Variants in ODF4 observed in about 807,000 individuals in gnomAD.
ODF4 encodes outer dense fiber of sperm tails 4, also known as outer dense fiber protein 4.
Under a neutral mutation model 17.0 loss-of-function variants are expected in ODF4, and 11 were observed. That is an observed-to-expected ratio of 0.65 (90% CI 0.41 to 1.07). The LOEUF (loss-of-function observed/expected upper bound fraction) is 1.07, where lower values mean the gene tolerates loss of function less well. Ranked by LOEUF, ODF4 falls within the 50% of genes least tolerant of loss-of-function variation. The pLI, the probability that ODF4 is intolerant of heterozygous loss-of-function variation, is 0.00. For missense variants in ODF4, 281 were observed against 310.2 expected, an observed-to-expected ratio of 0.91 and a Z score of 0.71; for synonymous variants, 127 against 121.8, an observed-to-expected ratio of 1.04 and a Z score of -0.28.
At chr17:8,340,806 C>T (rs1428607446) in intron 1 of ODF4, among the ~76,000 whole-genome samples, 6 of 151,410 alleles carry the variant, frequency 4.0e-5, no homozygotes. Context: ...TCTCAGCTAT[C>T]CAGGAGGCTG....
In ODF4 at chr17:8,340,582, C is replaced by G. The variant is rs80260798; in HGVS notation, c.454+77C>G. The G allele has an allele frequency of 3.0e-4, 239 of 805,502 alleles. 2 individuals carry two copies. In the East Asian group the frequency reaches 5.9e-3, roughly 20 times the overall value. 49.9% of individuals were successfully genotyped at this position (805,502 alleles called of 1,614,324 possible). A position where few individuals can be genotyped will look rare whatever the true frequency, so the allele number is the denominator to read the frequency against. ...TCTGTATCTGCACCCTGGATGTATTCTTGTTCCCTCTTTCTGGTCATCTTT... is the reference window on the plus strand; with the variant it reads ...TCTGTATCTGCACCCTGGATGTATTGTTGTTCCCTCTTTCTGGTCATCTTT... On this transcript the variant is annotated intron_variant, in intron 1 of 2. Transcript: ENST00000328248.
At position 8,340,230 on chromosome 17, in the gene ODF4, A is replaced by C; in HGVS notation, c.179A>C (p.Gln60Pro). The C allele has an allele frequency of 6.2e-7, 1 of 1,614,106 alleles. No individual in the cohort carries two copies. Among genetic ancestry groups the C allele is most frequent in the Non-Finnish European group, 8.5e-7 (1 of 1,179,992 alleles). The change falls in exon 1 of 3, where the codon CAG becomes CCG. Residue 60 changes from glutamine to proline, a missense_variant. By Grantham distance (76) the Gln-to-Pro change is moderately conservative. Transcript: ENST00000328248. Reference protein sequence around the residue: ...LSLSSNRSLGQRQNSPLPFQW... With the variant: ...LSLSSNRSLGPRQNSPLPFQW... ...CTCAGTAGTAACAGGTCCTTGGGCC[A>C]GCGCCAGAACTCTCCGCTGCCCTTT...
In ODF4 at chr17:8,340,106, C is replaced by A; in HGVS notation, c.55C>A (p.Gln19Lys). Reference protein sequence around the residue: ...EFPRSEGERDQHQRPGKERKS... With the variant: ...EFPRSEGERDKHQRPGKERKS... ...CCCCAGGTCAGAAGGAGAAAGAGAC[C>A]AACATCAGAGACCTGGAAAGGAAAG... The change falls in exon 1 of 3, where the codon CAA becomes AAA. Residue 19 changes from glutamine to lysine, a missense_variant. Transcript: ENST00000328248. The A allele has an allele frequency of 6.5e-7, 1 of 1,537,314 alleles. No homozygotes were observed. Among genetic ancestry groups the A allele is most frequent in the Admixed American group, 2.1e-5 (1 of 47,766 alleles).
chr17:8,342,070 T>G (rs1005907926), intron 1 of ODF4, among the ~76,000 whole-genome samples: 11 of 152,032 alleles, frequency 7.2e-5, no homozygotes, highest in Non-Finnish European at 1.5e-5. Context: ...GCTATTTAGA[T>G]TGAACCAAAT....
chr17:8,345,774 A>G lies in ODF4; in HGVS notation c.696A>G (p.Pro232=). The change falls in exon 3 of 3, where the codon CCA becomes CCG. Residue 232 remains proline (P), a synonymous_variant. Transcript: ENST00000328248. The surrounding 1 kb of genome is among the most constrained non-coding windows in gnomAD (Gnocchi z 4.1). ...GTTTCGGCTCAGTAGAAGAATCTCC[A>G]AGGGCACAGACGATCACAGACACCC... ...SSSFGSVEES[P]RAQTITDTPI... The G allele has an allele frequency of 6.2e-7, 1 of 1,614,164 alleles. No homozygotes were observed. Among genetic ancestry groups the G allele is most frequent in the Non-Finnish European group, 8.5e-7 (1 of 1,180,002 alleles).
rs142457846 is a variant in ODF4 at position 8,339,840 on chromosome 17, G to A, written c.-212G>A. 60 of 330,552 alleles carry A rather than the reference G, an allele frequency of 1.8e-4. No individual in the cohort carries two copies. Among genetic ancestry groups the A allele is most frequent in the Middle Eastern group, 1.7e-3 (2 of 1,212 alleles). 20.5% of individuals were successfully genotyped at this position (330,552 alleles called of 1,614,324 possible). On this transcript the variant is annotated 5_prime_UTR_variant, in exon 1 of 3. In the 5' UTR this introduces an upstream ATG that the reference lacks. Coordinates refer to ENST00000328248, the MANE Select transcript of ODF4 (RefSeq NM_153007.5). Reference sequence around the variant, plus strand: ...TCTCACTGTGCCCCAGGAAAATTCCGTGGCAGTTAGGGGACCTGGCCTGCT... The same window carrying A: ...TCTCACTGTGCCCCAGGAAAATTCCATGGCAGTTAGGGGACCTGGCCTGCT...
At position 8,340,452 on chromosome 17, in the gene ODF4, G is replaced by A; in HGVS notation, c.401G>A (p.Gly134Glu). ...IHTSAHVMSMGLLHFYKSRSC... is the reference protein window; with the variant it reads ...IHTSAHVMSMELLHFYKSRSC... ...ACATCAGCCCACGTTATGTCCATGG[G>A]GCTCCTGCACTTTTACAAATCCAGG... Residue 134 changes from glycine (G) to glutamate (E), a missense_variant, in exon 1 of 3, where the codon GGG becomes GAG. Physicochemically the swap from Gly to Glu is moderately conservative, Grantham distance 98 (BLOSUM62 -2). Transcript: ENST00000328248. 1.9e-6 allele frequency: 3 copies of A among 1,613,732 alleles called. No individual in the cohort carries two copies. The highest frequency in any genetic ancestry group is 2.2e-5 in the South Asian group (2 of 91,054).
chr17:8,345,241 T>C lies in ODF4; in HGVS notation c.455-102T>C, dbSNP rs1011254881. On this transcript the variant is annotated intron_variant, in intron 1 of 2. Transcript: ENST00000328248. The surrounding 1 kb of genome is among the most constrained non-coding windows in gnomAD (Gnocchi z 4.1). The stretch of plus-strand genomic sequence containing the variant: ...CCTGGAACCTCAGGGCCAGTCACTC[T>C]GTGTGTGGTGATGTGGTTTGTGGCT... The C allele has an allele frequency of 2.8e-5, 31 of 1,095,392 alleles. No homozygotes were observed. In the African/African-American group the frequency reaches 4.2e-4, roughly 15 times the overall value. 67.9% of individuals were successfully genotyped at this position (1,095,392 alleles called of 1,614,324 possible).
chr17:8,344,639 C>T (rs12941030), intron 1 of ODF4, among the ~76,000 whole-genome samples: 44,152 of 133,150 alleles, frequency 0.33, 14,938 homozygotes, highest in Admixed American at 0.49. Flanking sequence ...CAGGCATGCA[C>T]CACCATGCCC....
In ODF4 at chr17:8,345,424, T is replaced by C. The variant is rs758445818; in HGVS notation, c.536T>C (p.Ile179Thr). 21 of 1,612,390 alleles carry C rather than the reference T, an allele frequency of 1.3e-5. No individual in the cohort carries two copies. In the African/African-American group the frequency reaches 2.4e-4, roughly 18 times the overall value. The change falls in exon 2 of 3, where the codon ATA (isoleucine) becomes ACA (threonine). Residue 179 changes from isoleucine to threonine, a missense_variant. Coordinates refer to ENST00000328248, the MANE Select transcript of ODF4 (RefSeq NM_153007.5). This position sits in a 1 kb window ranked among gnomAD's most constrained non-coding sequence, Gnocchi z 4.1. ...TTGGAAAGGAATGTATCCATCCCCA[T>C]AGGCTGGAGCTATTTCATTGGTTGG... ...FELERNVSIP[I>T]GWSYFIGWLV...
chr17:8,343,455 G>T (rs1388358805), intron 1 of ODF4, among the ~76,000 whole-genome samples: 1 of 127,054 alleles, frequency 7.9e-6, no homozygotes, highest in Non-Finnish European at 1.7e-5. Flanking sequence ...TCTCTGCAAA[G>T]AAGATTCCTG....
Position 8,346,018 on chromosome 17 carries a change from G to C in ODF4, c.*166G>C, listed in dbSNP as rs1906235073. ...TGCCTTGATTGAGCTTGAGTGATGT[G>C]GAATAAATTGTCCGTCTCTTCTTTC... On this transcript the variant is annotated 3_prime_UTR_variant, in exon 3 of 3. Coordinates refer to ENST00000328248, the MANE Select transcript of ODF4 (RefSeq NM_153007.5). 1 of 557,708 alleles carries C rather than the reference G, an allele frequency of 1.8e-6. No individual in the cohort carries two copies. The allele number at this position is 557,708 out of a possible 1,614,324, so 34.5% of individuals were successfully genotyped here.
At position 8,340,337 on chromosome 17, in the gene ODF4, T is replaced by C; in HGVS notation, c.286T>C (p.Leu96=). The stretch of plus-strand genomic sequence containing the variant: ...CAGCCTGGTTGCCTTTATCCTACTA[T>C]TGGTCGTGGCCTTCTCCAAGAAATG... ...ELSLVAFILL[L]VVAFSKKWLD... is the part of the protein sequence containing the mutation. Residue 96 remains leucine (L), a synonymous_variant, in exon 1 of 3, where the codon TTG becomes CTG. Transcript: ENST00000328248. 1 of 1,613,104 alleles carries C rather than the reference T, an allele frequency of 6.2e-7. No individual in the cohort carries two copies. Among genetic ancestry groups the C allele is most frequent in the Non-Finnish European group, 8.5e-7 (1 of 1,179,570 alleles).
rs751678843 is a variant in ODF4 at position 8,345,890 on chromosome 17, A to G, written c.*38A>G. ...TCCTGGCACCAAGTTCTGTCCATTC[A>G]TCTGACCCCATCTCCTCATCCTCCC... On this transcript the variant is annotated 3_prime_UTR_variant, in exon 3 of 3. Coordinates refer to ENST00000328248, the MANE Select transcript of ODF4 (RefSeq NM_153007.5). The surrounding 1 kb of genome is among the most constrained non-coding windows in gnomAD (Gnocchi z 4.1). 2.0e-6 allele frequency: 3 copies of G among 1,531,148 alleles called. No homozygotes were observed. Among genetic ancestry groups the G allele is most frequent in the Non-Finnish European group, 2.7e-6 (3 of 1,108,290 alleles). The allele number at this position is 1,531,148 out of a possible 1,614,324, so 94.8% of individuals were successfully genotyped here. A position where few individuals can be genotyped will look rare whatever the true frequency, so the allele number is the denominator to read the frequency against.
rs530732291 is a variant in ODF4, at chr17:8,343,946, G to A, written c.455-1397G>A. On this transcript the variant is annotated intron_variant, in intron 1 of 2. Coordinates refer to ENST00000328248, the MANE Select transcript of ODF4 (RefSeq NM_153007.5). ...TGGGATTACAGGCGCATGCCACCAT[G>A]CCCAGCTAATTTTTATATTTTTAGT... Among the ~76,000 whole-genome samples, 107 of 119,058 alleles carry A rather than the reference G, an allele frequency of 9.0e-4. 22 individuals carry two copies. Among genetic ancestry groups the A allele is most frequent in the African/African-American group, 3.4e-3 (94 of 27,588 alleles). 78.1% of individuals were successfully genotyped at this position (119,058 alleles called of 152,430 possible).
intron 1 of ODF4, among the ~76,000 whole-genome samples, chr17:8,341,013 AC>A (rs1165976255): frequency 6.6e-6 from 1 of 151,962 alleles, no homozygotes; most frequent in African/African-American, 2.4e-5. Flanking sequence ...ACATAGTGAA[AC>A]CCCGTCTCTA....
At chr17:8,344,202 G>A (rs1906139914) in intron 1 of ODF4, among the ~76,000 whole-genome samples, 1 of 127,652 alleles carries the variant, frequency 7.8e-6, no homozygotes, top group Non-Finnish European at 1.7e-5. Flanking sequence ...GGGATTACAG[G>A]TGCGAGCCAC....
At chr17:8,342,559 C>A (rs1906067499) in intron 1 of ODF4, among the ~76,000 whole-genome samples, 1 of 152,076 alleles carries the variant, frequency 6.6e-6, no homozygotes, top group Admixed American at 6.6e-5. Flanking sequence ...CCAAACATCA[C>A]TGATTTTTAA....
At position 8,345,813 on chromosome 17, in the gene ODF4, G is replaced by C. The variant is rs1906225513; in HGVS notation, c.735G>C (p.Glu245Asp). 1 of 1,613,944 alleles carries C rather than the reference G, an allele frequency of 6.2e-7. No individual in the cohort carries two copies. The change falls in exon 3 of 3, where the codon GAG (glutamate) becomes GAC (aspartate). Residue 245 changes from glutamate to aspartate, a missense_variant. Glu to Asp is a conservative substitution (Grantham distance 45, BLOSUM62 2). Coordinates refer to ENST00000328248, the MANE Select transcript of ODF4 (RefSeq NM_153007.5). The surrounding 1 kb of genome is among the most constrained non-coding windows in gnomAD (Gnocchi z 4.1). Reference protein sequence around the residue: ...QTITDTPITQEGVLDPEQKDT... With the variant: ...QTITDTPITQDGVLDPEQKDT... ...TCACAGACACCCCCATCACCCAGGA[G>C]GGAGTCCTGGATCCTGAGCAGAAGG...
Sources: allele counts gnomAD v4.1 joint callset (sites outside exome capture counted in the v4.1 genomes callset), GRCh38; gene constraint gnomAD v4.1.1; non-coding constraint Gnocchi (gnomAD v3.1); transcripts MANE v1.5; gene names NCBI Gene and HGNC (gene_info 2026-07-23, HGNC 2026-07-21).